Variants in DPP10 observed in about 807,000 individuals in gnomAD.
DPP10 encodes inactive dipeptidyl peptidase 10.
A neutral mutation model predicts 120.9 loss-of-function variants in DPP10; 33 were observed. The observed-to-expected ratio is 0.27, with a 90% confidence interval of 0.21 to 0.37. The LOEUF (loss-of-function observed/expected upper bound fraction) is 0.37. Among genes scored for constraint, DPP10 ranks in the 10% least tolerant of loss-of-function variants. The probability of loss-of-function intolerance (pLI) is 1.00; values close to 1 mark genes in which losing one functional copy is unlikely to be tolerated. For synonymous variants in DPP10, 337 were observed against 326.1 expected (o/e 1.03, Z -0.36); for missense variants, 816 against 942.8 (o/e 0.87, Z 1.76).
chr2:115,842,160 G>A, intron 25 of DPP10, 51 bp from the exon 26 acceptor site: 2 of 1,514,628 alleles, frequency 1.3e-6, no homozygotes, highest in Non-Finnish European at 1.8e-6. Flanking sequence ...GAATGCGAGA[G>A]ACAATAGCTT....
chr2:115,339,486 T>C (rs987734189), intron 2 of DPP10, among the ~76,000 whole-genome samples: 1 of 152,164 alleles, frequency 6.6e-6, no homozygotes, highest in African/African-American at 2.4e-5. Flanking sequence ...AATGTATGTT[T>C]GTACAAAAAT....
Position 114,473,172 on chromosome 2 carries a change from A to G in DPP10, c.60+30334A>G, listed in dbSNP as rs568979397. Among the ~76,000 whole-genome samples, 25 of 152,274 alleles carry G rather than the reference A, an allele frequency of 1.6e-4. 1 individual carries two copies. In the East Asian group the frequency reaches 4.8e-3, roughly 29 times the overall value. On this transcript the variant is annotated intron_variant, in intron 1 of 25. Transcript: ENST00000410059. ...AGAATTCACTACATATATAGCCCCA[A>G]TCTTCTTTCTTTTATCTCTGGCAGT...
intron 3 of DPP10, among the ~76,000 whole-genome samples, chr2:115,483,485 G>C (rs112761325): frequency 2.5e-5 from 2 of 79,598 alleles, no homozygotes; most frequent in East Asian, 3.2e-4. Flanking sequence ...CTATCTGTAT[G>C]TGTATGTGTG....
intron 1 of DPP10, among the ~76,000 whole-genome samples, chr2:115,008,050 C>T (rs1269971190): frequency 1.3e-5 from 2 of 148,638 alleles, no homozygotes; most frequent in South Asian, 2.1e-4. Flanking sequence ...CTACCAATGC[C>T]TTTCTTCACA....
In DPP10 at chr2:115,753,241, G is replaced by A. The variant is rs2053724; in HGVS notation, c.1018G>A (p.Ala340Thr). The change falls in exon 11 of 26, where the codon GCT (alanine) becomes ACT (threonine). Residue 340 changes from alanine (A) to threonine (T), a missense_variant. By Grantham distance (58) the Ala-to-Thr change is moderately conservative. This residue lies in a region of DPP10 where 592 missense variants were observed against 649.0 expected (regional missense o/e 0.91). Transcript: ENST00000410059. ...TKTVVRWLNR[A>T]QNISILTVCE... ...GACTGTGGTAAGATGGTTAAACCGAGCTCAGAACATCTCCATCCTCACAGT... is the reference window on the plus strand; with the variant it reads ...GACTGTGGTAAGATGGTTAAACCGAACTCAGAACATCTCCATCCTCACAGT... The A allele has an allele frequency of 3.7e-6, 6 of 1,611,472 alleles. No individual in the cohort carries two copies. Among genetic ancestry groups the A allele is most frequent in the Non-Finnish European group, 5.1e-6 (6 of 1,178,438 alleles).
At chr2:114,557,321 C>T (rs75592966) in intron 1 of DPP10, among the ~76,000 whole-genome samples, 1,933 of 152,204 alleles carry the variant, frequency 0.013, 37 homozygotes, top group African/African-American at 0.043. Context: ...GCTTTCCTGA[C>T]AGCCCCAGAT....
intron 1 of DPP10, among the ~76,000 whole-genome samples, chr2:115,140,528 C>G (rs1478302149): frequency 6.6e-6 from 1 of 152,148 alleles, no homozygotes; most frequent in African/African-American, 2.4e-5. Context: ...GTGATGTGAT[C>G]TGGTTTCTCT....
chr2:115,819,747 A>G (rs1687616650), intron 21 of DPP10, among the ~76,000 whole-genome samples: 1 of 152,158 alleles, frequency 6.6e-6, no homozygotes, highest in Admixed American at 6.5e-5. Context: ...TAATCCCAGC[A>G]CCTTGGGAGG....
chr2:114,443,985 T>G (rs1213901320), intron 1 of DPP10, among the ~76,000 whole-genome samples: 1 of 152,176 alleles, frequency 6.6e-6, no homozygotes, highest in Non-Finnish European at 1.5e-5. Context: ...ACTAAACATG[T>G]TCCTCTATTT....
chr2:115,710,424 CATGAGATTATT>C (rs2092279222), intron 7 of DPP10, among the ~76,000 whole-genome samples: 5 of 152,046 alleles, frequency 3.3e-5, no homozygotes, highest in Non-Finnish European at 7.4e-5. Flanking sequence ...CTATGTTTTA[CATGAGATTATT>C]ATCTTCCTTA....
Position 114,477,711 on chromosome 2 carries a change from A to G in DPP10, c.60+34873A>G, listed in dbSNP as rs183789124. On this transcript the variant is annotated intron_variant, in intron 1 of 25. Coordinates refer to ENST00000410059, the MANE Select transcript of DPP10 (RefSeq NM_020868.6). ...GAGGCAGTAGAGTATGTGTGTGTGTATATATATATATACATATATACACAT... is the reference window on the plus strand; with the variant it reads ...GAGGCAGTAGAGTATGTGTGTGTGTGTATATATATATACATATATACACAT... Among the ~76,000 whole-genome samples the G allele has an allele frequency of 1.6e-3, 247 of 149,830 alleles. 2 individuals are homozygous for G. The highest frequency in any genetic ancestry group is 0.015 in the East Asian group (78 of 5,082).
chr2:114,740,999 C>A (rs1179445308), intron 1 of DPP10, among the ~76,000 whole-genome samples: 1 of 152,058 alleles, frequency 6.6e-6, no homozygotes, highest in African/African-American at 2.4e-5. Context: ...AGTTTATTTC[C>A]TGTGGGATAT....
At chr2:115,504,405 A>G (rs373518679) in intron 4 of DPP10, among the ~76,000 whole-genome samples, 1 of 151,548 alleles carries the variant, frequency 6.6e-6, no homozygotes, top group South Asian at 2.1e-4. Flanking sequence ...GAATAATTGA[A>G]TTTCATCATC....
At chr2:114,987,321 A>C (rs909058446) in intron 1 of DPP10, among the ~76,000 whole-genome samples, 1 of 152,090 alleles carries the variant, frequency 6.6e-6, no homozygotes, top group Non-Finnish European at 1.5e-5. Context: ...GCGTTACCCA[A>C]CCTTCTGCTG....
At chr2:115,635,179 T>C (rs2086223288) in intron 5 of DPP10, among the ~76,000 whole-genome samples, 1 of 150,104 alleles carries the variant, frequency 6.7e-6, no homozygotes, top group African/African-American at 2.5e-5. Flanking sequence ...CCCTTCCCCT[T>C]GAAAGCTCAG....
intron 24 of DPP10, among the ~76,000 whole-genome samples, chr2:115,838,807 C>T (rs975963348): frequency 1.3e-5 from 2 of 152,120 alleles, no homozygotes; most frequent in African/African-American, 4.8e-5. Flanking sequence ...GGCACACACA[C>T]ACAGGCACAC....
rs185435572 is a variant in DPP10, at chr2:115,139,528, C to A, written c.61-169711C>A. 3.9e-3 allele frequency among the ~76,000 whole-genome samples: 591 copies of A among 151,726 alleles called. 5 individuals are homozygous for A. The highest frequency in any genetic ancestry group is 0.013 in the African/African-American group (558 of 41,384). ...CACCTGGTTGTAAATTTAACCATAA[C>A]CATCCAGAAAGATCAGTTATAAAAT... On this transcript the variant is annotated intron_variant, in intron 1 of 25. Transcript: ENST00000410059.
At chr2:115,104,170 CTTTTTT>C (rs35125894) in intron 1 of DPP10, among the ~76,000 whole-genome samples, 9 of 84,656 alleles carry the variant, frequency 1.1e-4, no homozygotes, top group South Asian at 4.8e-4. Context: ...ATACATATGT[CTTTTTT>C]TTTTTTTTTT....
At chr2:114,914,939 G>A (rs1045476897) in intron 1 of DPP10, among the ~76,000 whole-genome samples, 5 of 152,166 alleles carry the variant, frequency 3.3e-5, no homozygotes, top group East Asian at 1.9e-4. Context: ...AGACCATCCC[G>A]GCTAAAACGG....
Sources: allele counts gnomAD v4.1 joint callset (sites outside exome capture counted in the v4.1 genomes callset), GRCh38; gene constraint gnomAD v4.1.1; regional missense constraint gnomAD v4.1.1; transcripts MANE v1.5; gene names NCBI Gene and HGNC (gene_info 2026-07-23, HGNC 2026-07-21).